The following ZDHHC15 variants were observed in gnomAD, a reference collection of about 807,000 sequenced individuals.
ZDHHC15 encodes palmitoyltransferase ZDHHC15.
Under a neutral mutation model 31.7 loss-of-function variants are expected in ZDHHC15, and 19 were observed. That is an observed-to-expected ratio of 0.60 (90% confidence interval 0.42 to 0.88). The LOEUF is 0.88. ZDHHC15 is among the 40% of genes least tolerant of loss of function. The pLI is 0.00. For missense variants in ZDHHC15, 209 were observed against 251.2 expected, an observed-to-expected ratio of 0.83 and a Z score of 1.14; for synonymous variants, 103 against 90.0, an observed-to-expected ratio of 1.14 and a Z score of -0.82.
At chrX:75,466,790 G>C (rs1464870931) in intron 3 of ZDHHC15, among the ~76,000 whole-genome samples, 5 of 108,176 alleles carry the variant, frequency 4.6e-5, no homozygotes, top group African/African-American at 1.7e-4. Flanking sequence ...AACTAACACA[G>C]GAACAGATAA....
intron 10 of ZDHHC15, among the ~76,000 whole-genome samples, chrX:75,409,485 CAAAAAAAAAAAAA>C (rs60512653): frequency 3.5e-5 from 1 of 28,539 alleles, no homozygotes; most frequent in African/African-American, 1.7e-4. Context: ...AAGTCCCTGC[CAAAAAAAAAAAAA>C]AAAAAAAAAA....
At chrX:75,466,523 T>C (rs12687309) in intron 3 of ZDHHC15, among the ~76,000 whole-genome samples, 19,979 of 110,563 alleles carry the variant, frequency 0.18, 1,970 homozygotes, top group East Asian at 0.85. Context: ...CCCAGCCATG[T>C]GTAACTGTGA....
intron 3 of ZDHHC15, among the ~76,000 whole-genome samples, chrX:75,463,907 C>G (rs933573663): frequency 1.1e-4 from 12 of 111,750 alleles, no homozygotes; most frequent in Non-Finnish European, 2.3e-4. Flanking sequence ...ACTAGAAATA[C>G]CATTTGACCC....
chrX:75,449,397 C>A (rs2084083473), intron 4 of ZDHHC15, among the ~76,000 whole-genome samples: 2 of 111,274 alleles, frequency 1.8e-5, no homozygotes, highest in South Asian at 7.5e-4. Context: ...CTCAAGGTCC[C>A]AGAGAATAGT....
Position 75,421,845 on chromosome X carries a change from A to G in ZDHHC15, c.863+19T>C. ...GCAGGGTCCAGTACTAACTTCTTCC[A>G]GTGGTAATATTTACTCACCTGGAAC... On this transcript the variant is annotated intron_variant, in intron 9 of 11. Transcript: ENST00000373367. The G allele has an allele frequency of 8.3e-7, 1 of 1,205,670 alleles. No homozygotes were observed. Among genetic ancestry groups the G allele is most frequent in the Non-Finnish European group, 1.1e-6 (1 of 892,780 alleles).
In ZDHHC15 at chrX:75,372,266, G is replaced by A. The variant is rs1225616963; in HGVS notation, c.*712C>T. 1 of 112,005 alleles carries A rather than the reference G, an allele frequency of 8.9e-6. No homozygotes were observed. The highest frequency in any genetic ancestry group is 3.2e-5 in the African/African-American group (1 of 30,844). 9.2% of individuals were successfully genotyped at this position (112,005 alleles called of 1,213,427 possible). On this transcript the variant is annotated 3_prime_UTR_variant, in exon 12 of 12. Transcript: ENST00000373367. ...TATGTCCTGAATTTGATCTTCTTGA[G>A]TAGCTGTGGTGCTTTCAGGAACATT... is the stretch of plus-strand genomic sequence containing the variant.
rs907423386 is a variant in ZDHHC15 at position 75,474,914 on chromosome X, G to C, written c.258+3977C>G. Among the ~76,000 whole-genome samples the C allele has an allele frequency of 3.7e-5, 4 of 109,286 alleles. No homozygotes were observed. The Admixed American group carries it at 4.0e-4, about 11-fold the overall frequency. The allele number at this position is 109,286 out of a possible 115,157, so 94.9% of individuals were successfully genotyped here. ...CTACTAAAAAAAATACAAAAAATTAGCCAGGCGTGGTGGCGGGTGCCTGTG... is the reference window on the plus strand; with the variant it reads ...CTACTAAAAAAAATACAAAAAATTACCCAGGCGTGGTGGCGGGTGCCTGTG... On this transcript the variant is annotated intron_variant, in intron 3 of 11. Coordinates refer to ENST00000373367, the MANE Select transcript of ZDHHC15 (RefSeq NM_144969.3).
At chrX:75,431,022 G>A (rs893231152) in intron 5 of ZDHHC15, among the ~76,000 whole-genome samples, 1 of 111,740 alleles carries the variant, frequency 8.9e-6, no homozygotes, top group Non-Finnish European at 1.9e-5. Context: ...TGGTATCCTG[G>A]ATGGGATCCT....
intron 6 of ZDHHC15, among the ~76,000 whole-genome samples, chrX:75,429,502 C>A (rs954626653): frequency 1.8e-5 from 2 of 111,750 alleles, no homozygotes; most frequent in African/African-American, 6.5e-5. Context: ...ACAGTTTTAG[C>A]AGCTACATTT....
At chrX:75,482,250 C>A (rs1602703049) in intron 2 of ZDHHC15, among the ~76,000 whole-genome samples, 1 of 111,377 alleles carries the variant, frequency 9.0e-6, no homozygotes, top group East Asian at 2.8e-4. Flanking sequence ...AACAAACCTG[C>A]ACATGTACCC....
intron 2 of ZDHHC15, among the ~76,000 whole-genome samples, chrX:75,481,720 G>A (rs969623893): frequency 2.7e-5 from 3 of 111,687 alleles, no homozygotes. Flanking sequence ...GAATTACCCA[G>A]CAAAGTTATG....
intron 1 of ZDHHC15, among the ~76,000 whole-genome samples, chrX:75,515,621 A>C (rs1333348472): frequency 1.8e-5 from 2 of 111,810 alleles, no homozygotes; most frequent in African/African-American, 6.5e-5. Flanking sequence ...ACCCACAGCC[A>C]ATATCCTACC....
At position 75,369,385 on chromosome X, in the gene ZDHHC15, G is replaced by T. The variant is rs964109733; in HGVS notation, c.*3593C>A. 3.6e-5 allele frequency: 4 copies of T among 110,616 alleles called. No individual in the cohort carries two copies. Among genetic ancestry groups the T allele is most frequent in the African/African-American group, 6.6e-5 (2 of 30,366 alleles). The allele number at this position is 110,616 out of a possible 1,213,427, so 9.1% of individuals were successfully genotyped here. A position where few individuals can be genotyped will look rare whatever the true frequency, so the allele number is the denominator to read the frequency against. ...TGTATGTAGATATGTGTGATGAGAG[G>T]TGAAAAGAATAGGCTTTCAATGACT... is the stretch of plus-strand genomic sequence containing the variant. On this transcript the variant is annotated 3_prime_UTR_variant, in exon 12 of 12. Transcript: ENST00000373367.
At chrX:75,423,400 C>T (rs903139047) in intron 8 of ZDHHC15, among the ~76,000 whole-genome samples, 1 of 106,474 alleles carries the variant, frequency 9.4e-6, no homozygotes, top group Non-Finnish European at 1.9e-5. Flanking sequence ...TTTGTGTTTA[C>T]GTGTACTCAG....
chrX:75,419,552 G>A (rs986203520), intron 9 of ZDHHC15, among the ~76,000 whole-genome samples: 5 of 110,838 alleles, frequency 4.5e-5, no homozygotes, highest in South Asian at 3.9e-4. Flanking sequence ...AATTCCTCAG[G>A]GATCTAGAAC....
rs986148011 is a variant in ZDHHC15, at chrX:75,371,044, C to A, written c.*1934G>T. ...TCTGACTTTGAATCACAGTTAACAGCTGCTCTGCCTGAATGCTTGGCAGAA... is the reference window on the plus strand; with the variant it reads ...TCTGACTTTGAATCACAGTTAACAGATGCTCTGCCTGAATGCTTGGCAGAA... On this transcript the variant is annotated 3_prime_UTR_variant, in exon 12 of 12. Coordinates refer to ENST00000373367, the MANE Select transcript of ZDHHC15 (RefSeq NM_144969.3). 4 of 111,574 alleles carry A rather than the reference C, an allele frequency of 3.6e-5. No homozygotes were observed. Among genetic ancestry groups the A allele is most frequent in the African/African-American group, 9.8e-5 (3 of 30,658 alleles). 9.2% of individuals were successfully genotyped at this position (111,574 alleles called of 1,213,427 possible). A position where few individuals can be genotyped will look rare whatever the true frequency, so the allele number is the denominator to read the frequency against.
At chrX:75,487,164 A>C (rs1186752865) in intron 2 of ZDHHC15, among the ~76,000 whole-genome samples, 1 of 112,055 alleles carries the variant, frequency 8.9e-6, no homozygotes, top group African/African-American at 3.2e-5. Flanking sequence ...CACCCTGGCT[A>C]ACTAGAGGTC....
At chrX:75,416,119 G>A (rs1157596088) in intron 10 of ZDHHC15, among the ~76,000 whole-genome samples, 3 of 111,891 alleles carry the variant, frequency 2.7e-5, no homozygotes, top group Non-Finnish European at 5.6e-5. Flanking sequence ...GACAATAACT[G>A]TTTTCTTTTT....
At position 75,522,997 on chromosome X, in the gene ZDHHC15, A is replaced by G. The variant is rs2085464436; in HGVS notation, c.28T>C (p.Ser10Pro). 1 of 1,209,213 alleles carries G rather than the reference A, an allele frequency of 8.3e-7. No homozygotes were observed. The highest frequency in any genetic ancestry group is 1.1e-6 in the Non-Finnish European group (1 of 894,766). The change falls in exon 1 of 12, where the codon TCT (serine) becomes CCT (proline). Residue 10 changes from serine to proline, a missense_variant. By Grantham distance (74) the Ser-to-Pro change is moderately conservative. Coordinates refer to ENST00000373367, the MANE Select transcript of ZDHHC15 (RefSeq NM_144969.3). ...CGGCGGCAGCACCGCAGCCCCCCAG[A>G]CAGAGCCATCTTCCAGCCTCGCCGC... MRRGWKMAL[S>P]GGLRCCRRVL...
Sources: allele counts gnomAD v4.1 joint callset (sites outside exome capture counted in the v4.1 genomes callset), GRCh38; gene constraint gnomAD v4.1.1; transcripts MANE v1.5; gene names NCBI Gene and HGNC (gene_info 2026-07-23, HGNC 2026-07-21).